OTOGL: variants seen among roughly 807,000 people sequenced by gnomAD.
OTOGL encodes otogelin like, also known as otogelin-like protein.
A neutral mutation model predicts 318.5 loss-of-function variants in OTOGL; 285 were observed. That is an observed-to-expected ratio of 0.89 (90% confidence interval 0.81 to 0.99). The LOEUF (loss-of-function observed/expected upper bound fraction) is 0.99, where lower values mean the gene tolerates loss of function less well. Among genes scored for constraint, OTOGL ranks in the 50% least tolerant of loss-of-function variants. The probability of loss-of-function intolerance (pLI) is 0.00; values close to 1 mark genes in which losing one functional copy is unlikely to be tolerated. For missense variants in OTOGL, 2,899 were observed against 2,845.6 expected, an observed-to-expected ratio of 1.02 and a Z score of -0.43; for synonymous variants, 987 against 936.5, an observed-to-expected ratio of 1.05 and a Z score of -0.99.
chr12:80,328,862 T>G (rs1592714230), intron 36 of OTOGL, 118 bp downstream of exon 36: 1 of 1,081,856 alleles, frequency 9.2e-7, no homozygotes, highest in East Asian at 2.6e-5. Context: ...ATAAGATTAT[T>G]CTTCAATGTC....
intron 1 of OTOGL, among the ~76,000 whole-genome samples, chr12:80,204,629 T>C (rs115188038): frequency 0.013 from 1,985 of 152,226 alleles, 41 homozygotes; most frequent in African/African-American, 0.044. Flanking sequence ...GTTTTAATAA[T>C]ATGGCAGATT....
chr12:80,108,224 T>C (rs967836189), intron 1 of OTOGL, among the ~76,000 whole-genome samples: 4 of 152,156 alleles, frequency 2.6e-5, no homozygotes, highest in South Asian at 4.1e-4. Context: ...CATTGGATTT[T>C]TGTCATATTG....
chr12:80,271,608 C>A (rs1565945169), intron 23 of OTOGL, 40 bp from the exon 24 acceptor site: 2 of 1,584,984 alleles, frequency 1.3e-6, no homozygotes, highest in Admixed American at 3.5e-5. Context: ...CATGCCATGA[C>A]AAAAAGTTAA....
In OTOGL at chr12:80,238,215, AG is replaced by A. The variant is rs949015324; in HGVS notation, c.818-633del. On this transcript the variant is annotated intron_variant, in intron 9 of 58. Coordinates refer to ENST00000547103, the MANE Select transcript of OTOGL (RefSeq NM_001378609.3). ...CTGAGATTAATGCTGGATTAGCTTT[AG>A]GGTTCTCAGTAGGGATGTCTTTCCT... Among the ~76,000 whole-genome samples, 21 of 152,298 alleles carry A rather than the reference AG, an allele frequency of 1.4e-4. No individual in the cohort carries two copies. The East Asian group carries it at 3.9e-3, about 28-fold the overall frequency.
At chr12:80,314,233 C>T in intron 31 of OTOGL, 72 bp from the exon 32 acceptor site, 1 of 454,046 alleles carries the variant, frequency 2.2e-6, no homozygotes. Context: ...AATATGTGGC[C>T]ATATCTTGCC....
intron 28 of OTOGL, among the ~76,000 whole-genome samples, chr12:80,304,416 T>G (rs1192668037): frequency 6.6e-6 from 1 of 152,190 alleles, no homozygotes; most frequent in East Asian, 1.9e-4. Context: ...TGTATTTTTT[T>G]AAAATTTAGT....
chr12:80,135,256 TCCCC>T (rs1592482092), intron 1 of OTOGL, among the ~76,000 whole-genome samples: 11 of 46,412 alleles, frequency 2.4e-4, no homozygotes, highest in East Asian at 6.9e-4. Flanking sequence ...GCCCCTCCCC[TCCCC>T]TCCCCTCCCC....
At chr12:80,146,507 G>A (rs1197086750) in intron 1 of OTOGL, among the ~76,000 whole-genome samples, 1 of 151,692 alleles carries the variant, frequency 6.6e-6, no homozygotes, top group Non-Finnish European at 1.5e-5. Flanking sequence ...AAGGATATTG[G>A]TCTAAAATTC....
intron 57 of OTOGL, among the ~76,000 whole-genome samples, chr12:80,375,242 G>C (rs1460352484): frequency 6.6e-6 from 1 of 152,136 alleles, no homozygotes; most frequent in Admixed American, 6.6e-5. Context: ...TAAAGTTTTT[G>C]AGGAATGAAT....
chr12:80,151,662 T>G (rs964026951), intron 1 of OTOGL, among the ~76,000 whole-genome samples: 3 of 152,202 alleles, frequency 2.0e-5, no homozygotes, highest in Non-Finnish European at 2.9e-5. Flanking sequence ...GCTGTCTCCT[T>G]TAGATAGACA....
At chr12:80,227,724 T>C (rs1168988559) in intron 7 of OTOGL, among the ~76,000 whole-genome samples, 1 of 152,174 alleles carries the variant, frequency 6.6e-6, no homozygotes, top group Non-Finnish European at 1.5e-5. Context: ...GGCCTACTCT[T>C]CCCTCAGACT....
At chr12:80,185,598 T>G (rs189528875) in intron 1 of OTOGL, among the ~76,000 whole-genome samples, 1 of 152,282 alleles carries the variant, frequency 6.6e-6, no homozygotes, top group Admixed American at 6.5e-5. Context: ...CAAATTAGTG[T>G]TAATGTCATT....
intron 7 of OTOGL, among the ~76,000 whole-genome samples, chr12:80,225,574 A>G (rs952937629): frequency 1.3e-5 from 2 of 152,154 alleles, no homozygotes. Flanking sequence ...AAGAGTTACC[A>G]TTGGTTAACA....
chr12:80,232,563 C>T (rs1879463601), intron 8 of OTOGL, among the ~76,000 whole-genome samples: 1 of 152,088 alleles, frequency 6.6e-6, no homozygotes, highest in Non-Finnish European at 1.5e-5. Context: ...ACTAAATAGG[C>T]AAGGTTATTT....
chr12:80,349,362 C>T (rs1889399118), intron 44 of OTOGL, among the ~76,000 whole-genome samples: 1 of 152,058 alleles, frequency 6.6e-6, no homozygotes, highest in Non-Finnish European at 1.5e-5. Context: ...CGCTATTTCA[C>T]ATATGAAGAA....
chr12:80,377,755 G>A, intron 58 of OTOGL, 93 bp from the exon 59 acceptor site: 1 of 1,023,034 alleles, frequency 9.8e-7, no homozygotes, highest in African/African-American at 1.6e-5. Context: ...TGATGAGGAA[G>A]AAAGATTTTC....
chr12:80,246,238 G>T (rs929982215), intron 11 of OTOGL, among the ~76,000 whole-genome samples: 4 of 149,318 alleles, frequency 2.7e-5, no homozygotes. Context: ...CCTGTCTTGT[G>T]CCGGTTTTCA....
intron 29 of OTOGL, among the ~76,000 whole-genome samples, chr12:80,309,734 T>G (rs1886504826): frequency 6.6e-6 from 1 of 151,956 alleles, no homozygotes; most frequent in Admixed American, 6.5e-5. Context: ...GAGGAGGAAA[T>G]GAATGTGGAT....
intron 35 of OTOGL, among the ~76,000 whole-genome samples, chr12:80,324,752 A>G (rs1887570092): frequency 6.6e-6 from 1 of 152,190 alleles, no homozygotes; most frequent in South Asian, 2.1e-4. Flanking sequence ...GAGAAGGAAG[A>G]GTTAAAGAAT....
Sources: allele counts gnomAD v4.1 joint callset (sites outside exome capture counted in the v4.1 genomes callset), GRCh38; gene constraint gnomAD v4.1.1; transcripts MANE v1.5; gene names NCBI Gene and HGNC (gene_info 2026-07-23, HGNC 2026-07-21).